Variants in MSMO1 observed in about 807,000 individuals in gnomAD.
The protein encoded by MSMO1 is methylsterol monooxygenase 1.
A neutral mutation model predicts 30.4 loss-of-function variants in MSMO1; 18 were observed. The ratio of observed to expected loss-of-function variants is 0.59; its 90% CI spans 0.41 to 0.88. The LOEUF (loss-of-function observed/expected upper bound fraction) is 0.88. Among genes scored for constraint, MSMO1 ranks in the 40% least tolerant of loss-of-function variants. MSMO1 has a pLI of 0.00. For missense variants in MSMO1, 284 were observed against 340.5 expected (o/e 0.83, Z 1.31); for synonymous variants, 84 against 107.9 (o/e 0.78, Z 1.37).
intron 3 of MSMO1, 25 bp from the exon 4 acceptor site, chr4:165,338,627 A>T (rs756991433): frequency 1.9e-6 from 3 of 1,590,362 alleles, no homozygotes; most frequent in African/African-American, 1.3e-5. Context: ...TATTTCTTAC[A>T]CATTACAACA....
rs750050291 is a variant in MSMO1, at chr4:165,338,632, A to G, written c.405-20A>G. 1.6e-5 allele frequency: 26 copies of G among 1,597,674 alleles called. No homozygotes were observed. The highest frequency in any genetic ancestry group is 2.1e-5 in the Non-Finnish European group (25 of 1,165,276). On this transcript the variant is annotated intron_variant, in intron 3 of 5. Transcript: ENST00000261507. ...AAGTAAAAATTATTTCTTACACATT[A>G]CAACATTTTTATCTTAAAGGTATTT...
At chr4:165,330,361 C>G (rs148703680) in intron 1 of MSMO1, among the ~76,000 whole-genome samples, 87 of 152,236 alleles carry the variant, frequency 5.7e-4, no homozygotes, top group African/African-American at 2.0e-3. Flanking sequence ...CAGAAAGTGC[C>G]CAATAATTGT....
At chr4:165,332,067 T>C (rs1747410288) in intron 1 of MSMO1, among the ~76,000 whole-genome samples, 1 of 152,036 alleles carries the variant, frequency 6.6e-6, no homozygotes, top group Non-Finnish European at 1.5e-5. Flanking sequence ...CGCCACGCTG[T>C]CTTCATTAAC....
intron 1 of MSMO1, 131 bp from the exon 2 acceptor site, chr4:165,333,209 A>AT (rs1747446853): frequency 3.0e-6 from 2 of 669,518 alleles, no homozygotes; most frequent in East Asian, 2.9e-5. Flanking sequence ...TCCTTTAGTA[A>AT]TTTTTTGGTA....
In MSMO1 at chr4:165,333,419, G is replaced by A; in HGVS notation, c.49G>A (p.Val17Met). 1.2e-6 allele frequency: 2 copies of A among 1,612,022 alleles called. No homozygotes were observed. Among genetic ancestry groups the A allele is most frequent in the Non-Finnish European group, 1.7e-6 (2 of 1,179,736 alleles). The change falls in exon 2 of 6, where the codon GTG becomes ATG. Residue 17 changes from valine to methionine, a missense_variant. Val to Met is a conservative substitution (Grantham distance 21). Coordinates refer to ENST00000261507, the MANE Select transcript of MSMO1 (RefSeq NM_006745.5). Reference protein sequence around the residue: ...VSIFSSASLAVEYVDSLLPEN... With the variant: ...VSIFSSASLAMEYVDSLLPEN... ...CATCTTTAGTTCAGCATCCTTGGCT[G>A]TGGAATATGTAGATTCACTTTTACC...
rs893595827 is a variant in MSMO1 at position 165,328,283 on chromosome 4, A to C, written c.-32+519A>C. Among the ~76,000 whole-genome samples the C allele has an allele frequency of 2.6e-5, 4 of 152,208 alleles. No homozygotes were observed. The South Asian group carries it at 8.3e-4, about 32-fold the overall frequency. On this transcript the variant is annotated intron_variant, in intron 1 of 5. Transcript: ENST00000261507. ...AGCAGTAGCAACCATGAGTGATCAG[A>C]TACTGCAAAAATGTGAAGTGTAGGA...
intron 1 of MSMO1, among the ~76,000 whole-genome samples, chr4:165,328,334 TGAA>T (rs1747295639): frequency 6.6e-6 from 1 of 151,744 alleles, no homozygotes; most frequent in African/African-American, 2.4e-5. Context: ...AAATGAAGAG[TGAA>T]GAAGTCTGGA....
In MSMO1 at chr4:165,333,134, A is replaced by T. The variant is rs551072117; in HGVS notation, c.-31-206A>T. Among the ~76,000 whole-genome samples the T allele has an allele frequency of 1.4e-4, 21 of 152,340 alleles. No homozygotes were observed. In the South Asian group the frequency reaches 4.1e-3, roughly 30 times the overall value. ...AAAATAATGTGTTTTTTAAAGGAATATCTACAAATAGAAATGGTGATGATA... is the reference window on the plus strand; with the variant it reads ...AAAATAATGTGTTTTTTAAAGGAATTTCTACAAATAGAAATGGTGATGATA... On this transcript the variant is annotated intron_variant, in intron 1 of 5. Transcript: ENST00000261507.
At chr4:165,335,302 G>A (rs1334116545) in intron 2 of MSMO1, among the ~76,000 whole-genome samples, 1 of 152,116 alleles carries the variant, frequency 6.6e-6, no homozygotes, top group Non-Finnish European at 1.5e-5. Flanking sequence ...CCTCTCTGGG[G>A]ATAATGCAGG....
At chr4:165,332,391 C>G (rs181919777) in intron 1 of MSMO1, among the ~76,000 whole-genome samples, 138 of 152,258 alleles carry the variant, frequency 9.1e-4, no homozygotes, top group Admixed American at 1.5e-3. Flanking sequence ...TTAACCCATA[C>G]CTTGTTGATG....
At chr4:165,335,876 T>G (rs563144078) in intron 2 of MSMO1, among the ~76,000 whole-genome samples, 129 of 152,312 alleles carry the variant, frequency 8.5e-4, no homozygotes, top group African/African-American at 2.9e-3. Context: ...ATAAAAAATG[T>G]GATTTTAAAC....
chr4:165,328,705 T>C (rs1747305206), intron 1 of MSMO1, among the ~76,000 whole-genome samples: 1 of 152,250 alleles, frequency 6.6e-6, no homozygotes, highest in African/African-American at 2.4e-5. Flanking sequence ...GGAAATTCAA[T>C]TTTCCAAGAC....
chr4:165,342,060 A>G lies in MSMO1; in HGVS notation c.*114A>G. On this transcript the variant is annotated 3_prime_UTR_variant, in exon 6 of 6. Transcript: ENST00000261507. ...CATGTCTTCTGGCTACTAAGTGATAAAAAGAACATTAACAACCTTTAATTA... is the reference window on the plus strand; with the variant it reads ...CATGTCTTCTGGCTACTAAGTGATAGAAAGAACATTAACAACCTTTAATTA... 1 of 906,618 alleles carries G rather than the reference A, an allele frequency of 1.1e-6. No homozygotes were observed. 56.2% of individuals were successfully genotyped at this position (906,618 alleles called of 1,614,324 possible).
chr4:165,334,867 T>C (rs1747496461), intron 2 of MSMO1, among the ~76,000 whole-genome samples: 1 of 152,216 alleles, frequency 6.6e-6, no homozygotes, highest in Non-Finnish European at 1.5e-5. Context: ...TTAGTACAAT[T>C]GGCCCTCCAT....
chr4:165,328,741 C>T (rs34317779), intron 1 of MSMO1, among the ~76,000 whole-genome samples: 37,863 of 152,120 alleles, frequency 0.25, 5,410 homozygotes, highest in Non-Finnish European at 0.33. Flanking sequence ...CTCTTTAATT[C>T]CTTGTTCGGT....
At chr4:165,339,821 G>A (rs1309123096) in intron 4 of MSMO1, among the ~76,000 whole-genome samples, 1 of 152,228 alleles carries the variant, frequency 6.6e-6, no homozygotes, top group Non-Finnish European at 1.5e-5. Context: ...GCTCATGCAA[G>A]TGTGCGGCTG....
At chr4:165,334,935 GA>G (rs911547633) in intron 2 of MSMO1, among the ~76,000 whole-genome samples, 5 of 151,944 alleles carry the variant, frequency 3.3e-5, no homozygotes, top group African/African-American at 1.2e-4. Flanking sequence ...ATATTCAGGG[GA>G]AAAAAATTGT....
chr4:165,334,436 C>A (rs1747485372), intron 2 of MSMO1, among the ~76,000 whole-genome samples: 1 of 152,176 alleles, frequency 6.6e-6, no homozygotes, highest in Admixed American at 6.5e-5. Context: ...GCAGTTCACC[C>A]CAACTCTATG....
Position 165,342,762 on chromosome 4 carries a change from A to G in MSMO1, c.*816A>G, listed in dbSNP as rs1199003877. ...GTGACTGAAGCTTCCAAATCAAGAAAAGCCGGCACCAAGAACTTCCATTCT... is the reference window on the plus strand; with the variant it reads ...GTGACTGAAGCTTCCAAATCAAGAAGAGCCGGCACCAAGAACTTCCATTCT... On this transcript the variant is annotated 3_prime_UTR_variant, in exon 6 of 6. Coordinates refer to ENST00000261507, the MANE Select transcript of MSMO1 (RefSeq NM_006745.5). 1 of 152,258 alleles carries G rather than the reference A, an allele frequency of 6.6e-6. No individual in the cohort carries two copies. The highest frequency in any genetic ancestry group is 1.9e-4 in the East Asian group (1 of 5,196). 9.4% of individuals were successfully genotyped at this position (152,258 alleles called of 1,614,324 possible).
Sources: gnomAD v4.1 joint callset for allele counts (sites outside exome capture counted in the v4.1 genomes callset) on GRCh38, gnomAD v4.1.1 for gene constraint, MANE v1.5 for transcripts, NCBI Gene and HGNC (gene_info 2026-07-23, HGNC 2026-07-21) for gene names.